The following N4BP2L1 variants were observed in gnomAD, a reference collection of about 807,000 sequenced individuals.
N4BP2L1 encodes NEDD4-binding protein 2-like 1.
N4BP2L1 carries 12 observed loss-of-function variants against 21.2 expected under a neutral mutation model. That is an observed-to-expected ratio of 0.57 (90% CI 0.36 to 0.92). The LOEUF (loss-of-function observed/expected upper bound fraction) is 0.92. N4BP2L1 is among the 40% of genes least tolerant of loss of function. The probability of loss-of-function intolerance (pLI) is 0.01; values close to 1 mark genes in which losing one functional copy is unlikely to be tolerated. For missense variants in N4BP2L1, 259 were observed against 310.6 expected (o/e 0.83, Z 1.25); for synonymous variants, 104 against 112.8 (o/e 0.92, Z 0.49).
At chr13:32,408,313 T>A (rs1429951426) in intron 1 of N4BP2L1, among the ~76,000 whole-genome samples, 1 of 152,168 alleles carries the variant, frequency 6.6e-6, no homozygotes, top group Non-Finnish European at 1.5e-5. Flanking sequence ...ATGCACGTGC[T>A]CTACTTTATC....
intron 1 of N4BP2L1, among the ~76,000 whole-genome samples, chr13:32,410,218 T>C (rs1234679922): frequency 6.6e-6 from 1 of 152,064 alleles, no homozygotes; most frequent in Non-Finnish European, 1.5e-5. Context: ...CTGGGCGGAG[T>C]GCCCTAAGCA....
At chr13:32,421,631 A>T (rs2074482623) in intron 1 of N4BP2L1, among the ~76,000 whole-genome samples, 1 of 152,176 alleles carries the variant, frequency 6.6e-6, no homozygotes, top group Non-Finnish European at 1.5e-5. Context: ...GTGTCCAAAA[A>T]GGGCCGGGCA....
chr13:32,428,230 A>G, upstream of N4BP2L1: 4 of 757,652 alleles, frequency 5.3e-6, no homozygotes, highest in Non-Finnish European at 7.5e-6. Context: ...ACCCGCCGGA[A>G]CCGTGCTGCG....
rs1252304264 is a variant in N4BP2L1, at chr13:32,403,157, T to C, written c.517A>G (p.Lys173Glu). Residue 173 changes from lysine to glutamate, a missense_variant, in exon 5 of 5, where the codon AAA becomes GAA. By Grantham distance (56) the Lys-to-Glu change is moderately conservative. Transcript: ENST00000380130. The part of the protein sequence containing the change: ...GVSREKIHRM[K>E]ERYEHDVTFH... Reference sequence around the variant, plus strand: ...GTAACATCGTGTTCATACCGTTCTTTCATTCGGTGGATTTTTTCTCTTGAG... The same window carrying C: ...GTAACATCGTGTTCATACCGTTCTTCCATTCGGTGGATTTTTTCTCTTGAG... 2 of 1,610,060 alleles carry C rather than the reference T, an allele frequency of 1.2e-6. No individual in the cohort carries two copies. The highest frequency in any genetic ancestry group is 1.1e-5 in the South Asian group (1 of 90,190).
At position 32,406,059 on chromosome 13, in the gene N4BP2L1, C is replaced by T. The variant is rs548460331; in HGVS notation, c.396+1191G>A. On this transcript the variant is annotated intron_variant, in intron 3 of 4. Transcript: ENST00000380130. ...CTGGGACTACAGGCGCCTGCCACCA[C>T]GCCCGGCTAATTTTTGTATTTTTTT... 7.2e-3 allele frequency among the ~76,000 whole-genome samples: 1,098 copies of T among 151,528 alleles called. 18 individuals are homozygous for T. The highest frequency in any genetic ancestry group is 0.025 in the African/African-American group (1,045 of 41,290).
chr13:32,415,842 C>A (rs2074107413), intron 1 of N4BP2L1: 1 of 152,348 alleles, frequency 6.6e-6, no homozygotes, highest in African/African-American at 2.4e-5. Context: ...CCAACCCCCA[C>A]TTTAACTCTG....
chr13:32,425,562 C>G (rs1332851492), intron 1 of N4BP2L1: 1 of 152,142 alleles, frequency 6.6e-6, no homozygotes. Context: ...AAAAAGTCCT[C>G]CCACACACAT....
chr13:32,404,446 T>C lies in N4BP2L1; in HGVS notation c.397-49A>G, dbSNP rs1470355262. ...ACATTGAAGACATAGTATGTATGTTTGGGAATGTTTATGCTGCCATTTAAC... is the reference window on the plus strand; with the variant it reads ...ACATTGAAGACATAGTATGTATGTTCGGGAATGTTTATGCTGCCATTTAAC... On this transcript the variant is annotated intron_variant, in intron 3 of 4. Coordinates refer to ENST00000380130, the MANE Select transcript of N4BP2L1 (RefSeq NM_052818.3). 5 of 1,359,654 alleles carry C rather than the reference T, an allele frequency of 3.7e-6. No homozygotes were observed. In the South Asian group the frequency reaches 6.2e-5, roughly 17 times the overall value. 84.2% of individuals were successfully genotyped at this position (1,359,654 alleles called of 1,614,324 possible).
In N4BP2L1 at chr13:32,402,918, T is replaced by G. The variant is rs1337144101; in HGVS notation, c.*24A>C. ...GAAGTAGAAACTGACTTAGGAAAAT[T>G]CTGCCTGGCTGTAAGATAGGCCTCT... On this transcript the variant is annotated 3_prime_UTR_variant, in exon 5 of 5. Coordinates refer to ENST00000380130, the MANE Select transcript of N4BP2L1 (RefSeq NM_052818.3). 6.6e-7 allele frequency: 1 copy of G among 1,524,968 alleles called. No individual in the cohort carries two copies. The highest frequency in any genetic ancestry group is 8.8e-7 in the Non-Finnish European group (1 of 1,134,770). 94.5% of individuals were successfully genotyped at this position (1,524,968 alleles called of 1,614,324 possible).
In N4BP2L1 at chr13:32,415,434, T is replaced by C. The variant is rs117126282; in HGVS notation, c.180-7662A>G. On this transcript the variant is annotated intron_variant, in intron 1 of 4. Coordinates refer to ENST00000380130, the MANE Select transcript of N4BP2L1 (RefSeq NM_052818.3). ...CACTTCTGAGCCTTCAAGTCAAATA[T>C]GTTCTATGATATCTTTATTTGTTGC... is the stretch of plus-strand genomic sequence containing the variant. 8.2e-3 allele frequency among the ~76,000 whole-genome samples: 1,246 copies of C among 152,352 alleles called. 11 individuals carry two copies. The highest frequency in any genetic ancestry group is 0.018 in the Admixed American group (271 of 15,308).
At chr13:32,424,177 C>G (rs1289101215) in intron 1 of N4BP2L1, among the ~76,000 whole-genome samples, 1 of 152,194 alleles carries the variant, frequency 6.6e-6, no homozygotes, top group Non-Finnish European at 1.5e-5. Flanking sequence ...TGATCTGGTC[C>G]TGGGCTTACT....
intron 1 of N4BP2L1, among the ~76,000 whole-genome samples, chr13:32,421,709 TA>T (rs1205441226): frequency 6.6e-6 from 1 of 152,204 alleles, no homozygotes; most frequent in Non-Finnish European, 1.5e-5. Context: ...CCCAGACTCT[TA>T]CCTTGATAAA....
chr13:32,424,600 G>A (rs2074662844), intron 1 of N4BP2L1, among the ~76,000 whole-genome samples: 2 of 152,216 alleles, frequency 1.3e-5, no homozygotes, highest in South Asian at 4.1e-4. Flanking sequence ...AAAGTGCTGG[G>A]ATTACAGGCA....
At chr13:32,423,172 T>A (rs1422143001) in intron 1 of N4BP2L1, among the ~76,000 whole-genome samples, 1 of 152,210 alleles carries the variant, frequency 6.6e-6, no homozygotes, top group African/African-American at 2.4e-5. Context: ...TACCATTGCA[T>A]CACATTAGAA....
At chr13:32,421,510 A>T (rs2074476141) in intron 1 of N4BP2L1, among the ~76,000 whole-genome samples, 1 of 152,212 alleles carries the variant, frequency 6.6e-6, no homozygotes, top group African/African-American at 2.4e-5. Context: ...CACTTGGTGT[A>T]TTATGAAATC....
upstream of N4BP2L1, chr13:32,428,415 C>T (rs1383366762): frequency 9.9e-6 from 2 of 202,992 alleles, no homozygotes; most frequent in Non-Finnish European, 2.0e-5. Context: ...ACTTCCCCGG[C>T]CTGGAAGCCA....
chr13:32,403,727 G>C, intron 4 of N4BP2L1: 1 of 536,152 alleles, frequency 1.9e-6, no homozygotes, highest in Non-Finnish European at 3.8e-6. Flanking sequence ...TTCTGATGGA[G>C]TAGTCCACAG....
intron 1 of N4BP2L1, among the ~76,000 whole-genome samples, chr13:32,422,812 C>A (rs891372084): frequency 2.0e-5 from 3 of 152,162 alleles, no homozygotes; most frequent in Non-Finnish European, 4.4e-5. Flanking sequence ...ATTTAGGACC[C>A]ACCTTAGGAA....
rs959195500 is a variant in N4BP2L1 at position 32,424,365 on chromosome 13, T to G, written c.179+3539A>C. On this transcript the variant is annotated intron_variant, in intron 1 of 4. Transcript: ENST00000380130. Reference sequence around the variant, plus strand: ...GTCTCCATGTGGAGAAGATCCTTTCTCCCTAATTAGCCTTCATCCTCCTCA... The same window carrying G: ...GTCTCCATGTGGAGAAGATCCTTTCGCCCTAATTAGCCTTCATCCTCCTCA... 2.6e-5 allele frequency among the ~76,000 whole-genome samples: 4 copies of G among 152,298 alleles called. No individual in the cohort carries two copies. The South Asian group carries it at 8.3e-4, about 32-fold the overall frequency.
Sources: allele counts gnomAD v4.1 joint callset (sites outside exome capture counted in the v4.1 genomes callset), GRCh38; gene constraint gnomAD v4.1.1; transcripts MANE v1.5; gene names NCBI Gene and HGNC (gene_info 2026-07-23, HGNC 2026-07-21).